The following ERGIC2 variants were observed in gnomAD, a reference collection of about 807,000 sequenced individuals.
The protein encoded by ERGIC2 is endoplasmic reticulum-Golgi intermediate compartment protein 2.
In ERGIC2, 31 loss-of-function variants were observed where a neutral mutation model predicts 52.5. The ratio of observed to expected loss-of-function variants is 0.59; its 90% confidence interval spans 0.44 to 0.80. The LOEUF (loss-of-function observed/expected upper bound fraction) is 0.80. Among genes scored for constraint, ERGIC2 ranks in the 30% least tolerant of loss-of-function variants. The pLI is 0.00. For missense variants in ERGIC2, 395 were observed against 455.2 expected (o/e 0.87, Z 1.20); for synonymous variants, 129 against 140.6 (o/e 0.92, Z 0.58).
intron 9 of ERGIC2, 115 bp downstream of exon 9, chr12:29,349,898 C>A: frequency 1.6e-6 from 1 of 617,678 alleles, no homozygotes; most frequent in Non-Finnish European, 2.8e-6. Context: ...TTATTTTTTC[C>A]TTTGGATGAA....
intron 1 of ERGIC2, among the ~76,000 whole-genome samples, chr12:29,376,073 T>A (rs1236314253): frequency 6.6e-6 from 1 of 152,244 alleles, no homozygotes; most frequent in Admixed American, 6.5e-5. Context: ...TACAGAAGTA[T>A]CATGTTTTAC....
At chr12:29,379,847 A>G (rs1204425489) in intron 1 of ERGIC2, among the ~76,000 whole-genome samples, 1 of 151,332 alleles carries the variant, frequency 6.6e-6, no homozygotes, top group African/African-American at 2.5e-5. Context: ...AACTTCTGGT[A>G]AAGAAAAAAA....
chr12:29,373,460 G>C (rs940286398), intron 1 of ERGIC2, among the ~76,000 whole-genome samples: 12 of 152,030 alleles, frequency 7.9e-5, no homozygotes, highest in African/African-American at 2.9e-4. Flanking sequence ...ACAGACTTTG[G>C]GTCTGAAATC....
At chr12:29,345,401 A>T (rs1387412777) in intron 11 of ERGIC2, 42 bp downstream of exon 11, 2 of 1,165,232 alleles carry the variant, frequency 1.7e-6, no homozygotes, top group East Asian at 2.4e-5. Flanking sequence ...ATGCTTTTTT[A>T]AAAAAATCAC....
At chr12:29,374,280 C>T (rs1050685125) in intron 1 of ERGIC2, among the ~76,000 whole-genome samples, 1 of 152,198 alleles carries the variant, frequency 6.6e-6, no homozygotes, top group Admixed American at 6.5e-5. Flanking sequence ...CTTATCACTT[C>T]TTTTTCTTCT....
rs1454531495 is a variant in ERGIC2 at position 29,339,186 on chromosome 12, T to A, written c.*1970A>T. The A allele has an allele frequency of 6.6e-6, 1 of 152,192 alleles. No homozygotes were observed. Among genetic ancestry groups the A allele is most frequent in the Non-Finnish European group, 1.5e-5 (1 of 68,020 alleles). 9.4% of individuals were successfully genotyped at this position (152,192 alleles called of 1,614,324 possible). Reference sequence around the variant, plus strand: ...AGAATTTTGCTTTAAAGAAATTCCTTTCATAGGAGATAAATTTCATTAAAA... The same window carrying A: ...AGAATTTTGCTTTAAAGAAATTCCTATCATAGGAGATAAATTTCATTAAAA... On this transcript the variant is annotated 3_prime_UTR_variant, in exon 14 of 14. Transcript: ENST00000360150.
Position 29,349,179 on chromosome 12 carries a change from T to C in ERGIC2, c.629-2A>G, listed in dbSNP as rs1940098124. ...CTATTCTATGAGAAAAATTGTAAGCTAAAAGGCAAAAAATAAAAACAACTT... is the reference window on the plus strand; with the variant it reads ...CTATTCTATGAGAAAAATTGTAAGCCAAAAGGCAAAAAATAAAAACAACTT... On this transcript the variant is annotated splice_acceptor_variant, in intron 9 of 13. Transcript: ENST00000360150. LOFTEE classifies it high-confidence loss of function. The C allele has an allele frequency of 6.7e-7, 1 of 1,484,446 alleles. No homozygotes were observed. The highest frequency in any genetic ancestry group is 9.1e-7 in the Non-Finnish European group (1 of 1,095,068). The allele number at this position is 1,484,446 out of a possible 1,614,324, so 92.0% of individuals were successfully genotyped here.
chr12:29,361,828 T>C, intron 5 of ERGIC2, 143 bp from the exon 6 acceptor site: 1 of 513,042 alleles, frequency 1.9e-6, no homozygotes, highest in Non-Finnish European at 3.3e-6. Flanking sequence ...TCAACTTCTA[T>C]AAGTCAAATT....
At chr12:29,368,802 A>G (rs1645401296) in intron 3 of ERGIC2, among the ~76,000 whole-genome samples, 1 of 151,936 alleles carries the variant, frequency 6.6e-6, no homozygotes. Context: ...ACGGTAGTGT[A>G]AATACCTGGC....
chr12:29,368,154 A>G, intron 4 of ERGIC2, 87 bp downstream of exon 4: 1 of 809,036 alleles, frequency 1.2e-6, no homozygotes. Flanking sequence ...AGGAAAAATA[A>G]AGTACAACCA....
At chr12:29,354,675 G>A (rs1940177946) in intron 8 of ERGIC2, among the ~76,000 whole-genome samples, 1 of 152,150 alleles carries the variant, frequency 6.6e-6, no homozygotes, top group Non-Finnish European at 1.5e-5. Context: ...TGAACCAAAT[G>A]CTTTTCTATT....
Position 29,340,759 on chromosome 12 carries a change from A to C in ERGIC2, c.*397T>G. Reference sequence around the variant, plus strand: ...TTCTGACATCATATCTTTTAAAAACAAAAGGATGCGAACATTTGCACTTCT... The same window carrying C: ...TTCTGACATCATATCTTTTAAAAACCAAAGGATGCGAACATTTGCACTTCT... On this transcript the variant is annotated 3_prime_UTR_variant, in exon 14 of 14. Transcript: ENST00000360150. 2.5e-6 allele frequency: 1 copy of C among 407,680 alleles called. No homozygotes were observed. The allele number at this position is 407,680 out of a possible 1,614,324, so 25.3% of individuals were successfully genotyped here.
chr12:29,377,404 T>G (rs559910480), intron 1 of ERGIC2, among the ~76,000 whole-genome samples: 1 of 152,296 alleles, frequency 6.6e-6, no homozygotes, highest in East Asian at 1.9e-4. Context: ...AATGGTGTAG[T>G]TTTTGCATAT....
chr12:29,340,763 G>A lies in ERGIC2; in HGVS notation c.*393C>T, dbSNP rs1365636768. 1 of 406,040 alleles carries A rather than the reference G, an allele frequency of 2.5e-6. No individual in the cohort carries two copies. 25.2% of individuals were successfully genotyped at this position (406,040 alleles called of 1,614,324 possible). A position where few individuals can be genotyped will look rare whatever the true frequency, so the allele number is the denominator to read the frequency against. On this transcript the variant is annotated 3_prime_UTR_variant, in exon 14 of 14. Coordinates refer to ENST00000360150, the MANE Select transcript of ERGIC2 (RefSeq NM_016570.3). ...GACATCATATCTTTTAAAAACAAAA[G>A]GATGCGAACATTTGCACTTCTCAAT...
chr12:29,368,308 C>T (rs574953054), intron 3 of ERGIC2, 21 bp from the exon 4 acceptor site: 8 of 1,248,782 alleles, frequency 6.4e-6, no homozygotes, highest in Non-Finnish European at 9.3e-6. Context: ...AAATATTAAA[C>T]ATTAGTACCT....
rs1940438396 is a variant in ERGIC2, at chr12:29,371,444, C to T, written c.106+84G>A. On this transcript the variant is annotated intron_variant, in intron 2 of 13. Transcript: ENST00000360150. ...CAGAATTCATTGATAAATTCTTCCTCATGGCTACATTTCTATATGTTGTTG... is the reference window on the plus strand; with the variant it reads ...CAGAATTCATTGATAAATTCTTCCTTATGGCTACATTTCTATATGTTGTTG... The T allele has an allele frequency of 4.7e-6, 4 of 857,590 alleles. 1 individual carries two copies. In the South Asian group the frequency reaches 5.9e-5, roughly 13 times the overall value. 53.1% of individuals were successfully genotyped at this position (857,590 alleles called of 1,614,324 possible).
chr12:29,350,176 T>G (rs1253336197), intron 8 of ERGIC2, 108 bp from the exon 9 acceptor site: 2 of 675,688 alleles, frequency 3.0e-6, no homozygotes, highest in African/African-American at 1.8e-5. Flanking sequence ...TAGTACAAAA[T>G]AACATAAGAA....
chr12:29,380,550 C>G (rs964263115), intron 1 of ERGIC2: 1 of 152,132 alleles, frequency 6.6e-6, no homozygotes, highest in Non-Finnish European at 1.5e-5. Flanking sequence ...TTTCCTGCGC[C>G]GAGGAAAAGT....
chr12:29,371,629 C>T lies in ERGIC2; in HGVS notation c.5G>A (p.Arg2Lys). ...TAAAGTTTTTTTCCGATTCAGTCGC[C>T]TCATCTTCAGGAAAACCTTCCTCTT... M[R>K]RLNRKKTLSL... is the part of the protein sequence containing the mutation. The change falls in exon 2 of 14, where the codon AGG becomes AAG. Residue 2 changes from arginine (R) to lysine (K), a missense_variant. Arg to Lys is a conservative substitution (Grantham distance 26). Transcript: ENST00000360150. The T allele has an allele frequency of 6.2e-7, 1 of 1,611,594 alleles. No homozygotes were observed. The highest frequency in any genetic ancestry group is 8.5e-7 in the Non-Finnish European group (1 of 1,178,136).
Sources: gnomAD v4.1 joint callset for allele counts (sites outside exome capture counted in the v4.1 genomes callset) on GRCh38, gnomAD v4.1.1 for gene constraint, MANE v1.5 for transcripts, NCBI Gene and HGNC (gene_info 2026-07-23, HGNC 2026-07-21) for gene names.